ARHGEF1: variants seen among roughly 807,000 people sequenced by gnomAD.
ARHGEF1 encodes Rho guanine nucleotide exchange factor 1.
ARHGEF1 carries 40 observed loss-of-function variants against 119.7 expected under a neutral mutation model. The observed-to-expected ratio is 0.33, with a 90% confidence interval of 0.26 to 0.44. The LOEUF (loss-of-function observed/expected upper bound fraction) is 0.44, where lower values mean the gene tolerates loss of function less well. Among genes scored for constraint, ARHGEF1 ranks in the 20% least tolerant of loss-of-function variants. The pLI is 1.00. For missense variants in ARHGEF1, 976 were observed against 1,268.3 expected (o/e 0.77, Z 3.50); for synonymous variants, 494 against 521.0 (o/e 0.95, Z 0.71).
At chr19:41,894,107 A>AGG in intron 8 of ARHGEF1, 100 bp from the exon 9 acceptor site, 2 of 783,066 alleles carry the variant, frequency 2.6e-6, no homozygotes, top group Non-Finnish European at 3.6e-6. Flanking sequence ...CTCTGCCTCT[A>AGG]GGGGGAGAGA....
intron 13 of ARHGEF1, chr19:41,896,919 C>T (rs1555847840): frequency 2.8e-6 from 1 of 357,624 alleles, no homozygotes; most frequent in East Asian, 8.3e-5. Context: ...CTCTCACCTC[C>T]CTCTTCCTCT....
At chr19:41,922,098 G>A (rs1328107406), upstream of ARHGEF1, among the ~76,000 whole-genome samples, 1 of 152,098 alleles carries the variant, frequency 6.6e-6, no homozygotes, top group Non-Finnish European at 1.5e-5. Flanking sequence ...AGGGGCGGGG[G>A]CAGAGAGCTG....
rs2074464995 is a variant in ARHGEF1 at position 41,895,329 on chromosome 19, C to G, written c.878-20C>G. On this transcript the variant is annotated intron_variant, in intron 11 of 28. Transcript: ENST00000354532. ...TTACTGTTCTCTTATCTCCCTCTTTCTCCCTCACTGTCTCCCCAGCCGAGA... is the reference window on the plus strand; with the variant it reads ...TTACTGTTCTCTTATCTCCCTCTTTGTCCCTCACTGTCTCCCCAGCCGAGA... The G allele has an allele frequency of 5.0e-6, 8 of 1,592,614 alleles. No individual in the cohort carries two copies. Among genetic ancestry groups the G allele is most frequent in the Non-Finnish European group, 6.9e-6 (8 of 1,166,318 alleles).
Position 41,907,429 on chromosome 19 carries a change from T to C in ARHGEF1, c.*342T>C, listed in dbSNP as rs1555850604. The C allele has an allele frequency of 1.3e-6, 2 of 1,527,548 alleles. No homozygotes were observed. The highest frequency in any genetic ancestry group is 1.2e-5 in the South Asian group (1 of 83,132). 94.6% of individuals were successfully genotyped at this position (1,527,548 alleles called of 1,614,324 possible). A position where few individuals can be genotyped will look rare whatever the true frequency, so the allele number is the denominator to read the frequency against. ...TATACCCTGAATTGGAGGTTTATTT[T>C]TTAATATATATTATCTAAGAAGAGA... On this transcript the variant is annotated 3_prime_UTR_variant, in exon 29 of 29. Transcript: ENST00000354532.
chr19:41,898,430 C>T lies in ARHGEF1; in HGVS notation c.1122-12C>T, dbSNP rs965201360. ...GCCCAAGCTGGGGCCCTAACAAGGCCTCTGTCCACAGCCCCGAGCCTGGAG... is the reference window on the plus strand; with the variant it reads ...GCCCAAGCTGGGGCCCTAACAAGGCTTCTGTCCACAGCCCCGAGCCTGGAG... On this transcript the variant is annotated splice_polypyrimidine_tract_variant and intron_variant, in intron 13 of 28. Transcript: ENST00000354532. 2.2e-5 allele frequency: 34 copies of T among 1,547,984 alleles called. No homozygotes were observed. The highest frequency in any genetic ancestry group is 2.8e-5 in the Non-Finnish European group (32 of 1,145,814).
Position 41,905,875 on chromosome 19 carries a change from G to A in ARHGEF1, c.2404+48G>A. The A allele has an allele frequency of 6.2e-7, 1 of 1,613,666 alleles. No homozygotes were observed. The highest frequency in any genetic ancestry group is 8.5e-7 in the Non-Finnish European group (1 of 1,179,578). On this transcript the variant is annotated intron_variant, in intron 25 of 28. Coordinates refer to ENST00000354532, the MANE Select transcript of ARHGEF1 (RefSeq NM_004706.4). This position sits in a 1 kb window ranked among gnomAD's most constrained non-coding sequence, Gnocchi z 6.4. Reference sequence around the variant, plus strand: ...TGAGGGGCCAGGTTGGGGCTGCCGGGTGAAGAGAGGCATCCACAGGAGGCC... The same window carrying A: ...TGAGGGGCCAGGTTGGGGCTGCCGGATGAAGAGAGGCATCCACAGGAGGCC...
At chr19:41,925,694 T>C (rs2074867399) in intron 1 of ARHGEF1, among the ~76,000 whole-genome samples, 1 of 151,972 alleles carries the variant, frequency 6.6e-6, no homozygotes, top group South Asian at 2.1e-4. Context: ...TAACCCGAAA[T>C]GACAAGTAGG....
In ARHGEF1 at chr19:41,905,985, A is replaced by G. The variant is rs782189573; in HGVS notation, c.2451A>G (p.Pro817=). The change falls in exon 26 of 29, where the codon CCA becomes CCG. Residue 817 remains proline (P), a synonymous_variant. Transcript: ENST00000354532. The surrounding 1 kb of genome is among the most constrained non-coding windows in gnomAD (Gnocchi z 6.4). ...GTGACCTCCTGCCCTTCTGCAGACC[A>G]GGCCCCGAGGGCCAGCTCGCTGCCA... ...ILSDLLPFCR[P]GPEGQLAATA... The G allele has an allele frequency of 2.5e-6, 4 of 1,614,024 alleles. No homozygotes were observed. Among genetic ancestry groups the G allele is most frequent in the Middle Eastern group, 1.6e-4 (1 of 6,062 alleles).
At chr19:41,913,277 C>T (rs1475351890) in intron 18 of ARHGEF1, among the ~76,000 whole-genome samples, 2 of 151,250 alleles carry the variant, frequency 1.3e-5, no homozygotes, top group African/African-American at 2.4e-5. Context: ...GCCCGCCCGC[C>T]CGCCGCTCGC....
At chr19:41,897,920 ACT>A in intron 13 of ARHGEF1, 1 of 1,291,250 alleles carries the variant, frequency 7.7e-7, no homozygotes, top group Non-Finnish European at 9.8e-7. Context: ...CATCTGCCTG[ACT>A]CTGTCCTTGG....
chr19:41,924,670 C>T (rs932110673), intron 1 of ARHGEF1, among the ~76,000 whole-genome samples: 6 of 152,078 alleles, frequency 3.9e-5, no homozygotes, highest in African/African-American at 1.4e-4. Flanking sequence ...AGTCAGATAA[C>T]CTCGGACTTA....
intron 14 of ARHGEF1, 37 bp from the exon 15 acceptor site, chr19:41,901,850 C>A: frequency 6.3e-7 from 1 of 1,598,668 alleles, no homozygotes; most frequent in Admixed American, 1.7e-5. Flanking sequence ...TAGTCTGCAC[C>A]CTCCCCAACA....
Position 41,905,371 on chromosome 19 carries a change from G to GA in ARHGEF1, c.2336+112dup. ...TCTCTGTGTGAGCATGCACATGTGT[G>GA]AATGCATGTGTGTGCATACATGTGT... On this transcript the variant is annotated intron_variant, in intron 24 of 28. Transcript: ENST00000354532. This position sits in a 1 kb window ranked among gnomAD's most constrained non-coding sequence, Gnocchi z 6.4. 1 of 952,574 alleles carries GA rather than the reference G, an allele frequency of 1.0e-6. No individual in the cohort carries two copies. Among genetic ancestry groups the GA allele is most frequent in the South Asian group, 1.6e-5 (1 of 62,826 alleles). 59.0% of individuals were successfully genotyped at this position (952,574 alleles called of 1,614,324 possible).
intron 1 of ARHGEF1, 105 bp from the exon 2 acceptor site, chr19:41,887,959 G>A (rs1174801997): frequency 7.8e-7 from 1 of 1,286,444 alleles, no homozygotes; most frequent in Non-Finnish European, 1.1e-6. Flanking sequence ...GCTGGGATGG[G>A]GGAGGCTGTT....
chr19:41,921,371 A>T (rs1555852469), upstream of ARHGEF1, among the ~76,000 whole-genome samples: 2 of 152,170 alleles, frequency 1.3e-5, no homozygotes, highest in African/African-American at 4.8e-5. The surrounding 1 kb of genome is among the most constrained non-coding windows in gnomAD (Gnocchi z 4.4). Context: ...GGAGGGGGAT[A>T]GGCGGGACAT....
chr19:41,928,735 G>C (rs2074887726), intron 1 of ARHGEF1: 2 of 346,956 alleles, frequency 5.8e-6, no homozygotes, highest in South Asian at 4.1e-5. Flanking sequence ...TCGATCCCGG[G>C]ACTGAGGGAG....
downstream of ARHGEF1, among the ~76,000 whole-genome samples, chr19:41,912,065 C>G (rs543575190): frequency 1.3e-5 from 2 of 152,248 alleles, no homozygotes; most frequent in South Asian, 4.1e-4. Context: ...GCTCCTCACC[C>G]CACTCAGGCA....
chr19:41,905,455 T>C lies in ARHGEF1; in HGVS notation c.2336+194T>C. 1.6e-6 allele frequency: 1 copy of C among 620,878 alleles called. No individual in the cohort carries two copies. The highest frequency in any genetic ancestry group is 2.8e-6 in the Non-Finnish European group (1 of 354,846). 38.5% of individuals were successfully genotyped at this position (620,878 alleles called of 1,614,324 possible). On this transcript the variant is annotated intron_variant, in intron 24 of 28. Transcript: ENST00000354532. The surrounding 1 kb of genome is among the most constrained non-coding windows in gnomAD (Gnocchi z 6.4). ...TATAGTGTGTGTATGCATGCATGTG[T>C]GCGTGTGCATGTGTGTGCGTGTATG...
At chr19:41,891,058 C>T (rs1451127032) in intron 4 of ARHGEF1, among the ~76,000 whole-genome samples, 2 of 152,110 alleles carry the variant, frequency 1.3e-5, no homozygotes, top group East Asian at 1.9e-4. Flanking sequence ...AAATGCTTGA[C>T]GAATGACAGA....
Sources: gnomAD v4.1 joint callset for allele counts (sites outside exome capture counted in the v4.1 genomes callset) on GRCh38, gnomAD v4.1.1 for gene constraint, Gnocchi (gnomAD v3.1) non-coding constraint, MANE v1.5 for transcripts, NCBI Gene and HGNC (gene_info 2026-07-23, HGNC 2026-07-21) for gene names.